Variants in PHKB observed in about 807,000 individuals in gnomAD.
PHKB encodes the protein phosphorylase b kinase regulatory subunit beta.
In PHKB, 122 loss-of-function variants were observed where a neutral mutation model predicts 152.1. The observed-to-expected ratio is 0.80, with a 90% CI of 0.69 to 0.93. The LOEUF is 0.93. Ranked by LOEUF, PHKB falls within the 40% of genes least tolerant of loss-of-function variation. The probability of loss-of-function intolerance (pLI) is 0.00; values close to 1 mark genes in which losing one functional copy is unlikely to be tolerated. For missense variants in PHKB, 1,304 were observed against 1,328.4 expected (o/e 0.98, Z 0.29); for synonymous variants, 436 against 464.9 (o/e 0.94, Z 0.80).
chr16:47,654,184 C>T (rs958991586), intron 20 of PHKB, among the ~76,000 whole-genome samples: 14 of 152,150 alleles, frequency 9.2e-5, no homozygotes, highest in South Asian at 2.1e-4. Flanking sequence ...CAGACATAGA[C>T]GTCAGAATAA....
chr16:47,517,631 A>G (rs547797562), intron 6 of PHKB, among the ~76,000 whole-genome samples: 1 of 152,082 alleles, frequency 6.6e-6, no homozygotes, highest in Non-Finnish European at 1.5e-5. Context: ...TTCATTTTGT[A>G]TTTTTATTTG....
chr16:47,499,757 C>T lies in PHKB; in HGVS notation c.168C>T (p.Val56=). Residue 56 remains valine (V), a splice_region_variant and synonymous_variant, in exon 3 of 31, where the codon GTC becomes GTT. Coordinates refer to ENST00000323584, the MANE Select transcript of PHKB (RefSeq NM_000293.3). ...WDKLDHYYRI[V]KSTLLLYQSP... ...TCTTTGTCTTGTCCTCAATTGCAGT[C>T]AAGTCAACATTGCTGCTGTATCAAA... The T allele has an allele frequency of 6.2e-7, 1 of 1,614,106 alleles. No homozygotes were observed. The highest frequency in any genetic ancestry group is 8.5e-7 in the Non-Finnish European group (1 of 1,179,958).
rs1969929083 is a variant in PHKB at position 47,479,524 on chromosome 16, T to C, written c.77-17875T>C. On this transcript the variant is annotated intron_variant, in intron 1 of 30. Transcript: ENST00000323584. ...AGCCTTGGATCTAATTAAATTCAGATCCAGTTAAGCGGGTTTGGGATAGGG... is the reference window on the plus strand; with the variant it reads ...AGCCTTGGATCTAATTAAATTCAGACCCAGTTAAGCGGGTTTGGGATAGGG... Among the ~76,000 whole-genome samples the C allele has an allele frequency of 3.3e-5, 5 of 151,706 alleles. No individual in the cohort carries two copies. The South Asian group carries it at 1.0e-3, about 32-fold the overall frequency.
chr16:47,588,157 T>C (rs1567316808), intron 9 of PHKB, among the ~76,000 whole-genome samples: 1 of 152,142 alleles, frequency 6.6e-6, no homozygotes, highest in African/African-American at 2.4e-5. Flanking sequence ...TTTTTCCCCT[T>C]GCCTGATCAA....
At chr16:47,535,443 A>T (rs183104606) in intron 6 of PHKB, among the ~76,000 whole-genome samples, 4 of 152,328 alleles carry the variant, frequency 2.6e-5, no homozygotes, top group Admixed American at 2.6e-4. Context: ...TTTCTTGTTA[A>T]CAAATTATAT....
intron 20 of PHKB, among the ~76,000 whole-genome samples, chr16:47,658,134 A>AT (rs1973371240): frequency 3.9e-5 from 6 of 152,104 alleles, no homozygotes; most frequent in Admixed American, 1.3e-4. Context: ...CTCTGATTTC[A>AT]TCTCCTACCA....
At chr16:47,586,925 T>G (rs1038560360) in intron 8 of PHKB, among the ~76,000 whole-genome samples, 1 of 152,068 alleles carries the variant, frequency 6.6e-6, no homozygotes, top group African/African-American at 2.4e-5. Context: ...GAAATATATA[T>G]ATGTGTGTGT....
In PHKB at chr16:47,503,097, C is replaced by T; in HGVS notation, c.405+7C>T. The stretch of plus-strand genomic sequence containing the variant: ...TATGCGTCAGGCCGATAAGGTAAAA[C>T]ATTGTGGTGTGGACGGGAATTCTCC... On this transcript the variant is annotated splice_region_variant and intron_variant, in intron 4 of 30. Coordinates refer to ENST00000323584, the MANE Select transcript of PHKB (RefSeq NM_000293.3). The T allele has an allele frequency of 1.3e-6, 2 of 1,540,508 alleles. No individual in the cohort carries two copies. Among genetic ancestry groups the T allele is most frequent in the East Asian group, 2.2e-5 (1 of 44,478 alleles).
At chr16:47,629,376 C>T (rs1466601677) in intron 14 of PHKB, among the ~76,000 whole-genome samples, 1 of 151,998 alleles carries the variant, frequency 6.6e-6, no homozygotes, top group Non-Finnish European at 1.5e-5. Flanking sequence ...CATGAACAGA[C>T]ACTTCTCAAA....
At chr16:47,585,887 G>A (rs976951666) in intron 8 of PHKB, among the ~76,000 whole-genome samples, 3 of 152,066 alleles carry the variant, frequency 2.0e-5, no homozygotes, top group African/African-American at 7.2e-5. Flanking sequence ...TACTTAGATT[G>A]TATCTTTTGA....
At chr16:47,697,973 T>G (rs1318358590) in intron 29 of PHKB, among the ~76,000 whole-genome samples, 1 of 152,138 alleles carries the variant, frequency 6.6e-6, no homozygotes, top group East Asian at 1.9e-4. Context: ...CTTATACTCA[T>G]TTGGGTCCTG....
chr16:47,466,299 A>G (rs765710166), intron 1 of PHKB, among the ~76,000 whole-genome samples: 1 of 152,232 alleles, frequency 6.6e-6, no homozygotes, highest in Non-Finnish European at 1.5e-5. Context: ...GCCAAAATAA[A>G]TAATTATTAG....
At chr16:47,624,897 T>C (rs1972682140) in intron 14 of PHKB, among the ~76,000 whole-genome samples, 2 of 152,238 alleles carry the variant, frequency 1.3e-5, no homozygotes, top group South Asian at 2.1e-4. Flanking sequence ...CCTAATTTGA[T>C]AACTCCAATG....
intron 6 of PHKB, among the ~76,000 whole-genome samples, chr16:47,526,863 T>C (rs1205123702): frequency 2.0e-5 from 3 of 152,148 alleles, no homozygotes; most frequent in Admixed American, 6.5e-5. Context: ...TTTAATTGGC[T>C]CACAGGTCTG....
intron 28 of PHKB, among the ~76,000 whole-genome samples, 198 bp downstream of exon 28, chr16:47,693,705 T>C (rs943350837): frequency 6.6e-6 from 1 of 152,210 alleles, no homozygotes; most frequent in Non-Finnish European, 1.5e-5. Context: ...ACTTTTATTT[T>C]TCAAATTTAG....
chr16:47,596,054 G>T (rs1433495625), intron 12 of PHKB, among the ~76,000 whole-genome samples: 1 of 152,136 alleles, frequency 6.6e-6, no homozygotes, highest in African/African-American at 2.4e-5. Flanking sequence ...ATGTGTCAAG[G>T]GTGGGGCCAG....
intron 1 of PHKB, among the ~76,000 whole-genome samples, chr16:47,482,563 A>G (rs991372912): frequency 2.6e-5 from 4 of 152,230 alleles, no homozygotes; most frequent in Non-Finnish European, 5.9e-5. Flanking sequence ...AACAGGCTTC[A>G]TCAAAGTGTA....
intron 17 of PHKB, among the ~76,000 whole-genome samples, 183 bp from the exon 18 acceptor site, chr16:47,648,917 G>A (rs1253146046): frequency 2.0e-5 from 3 of 151,946 alleles, no homozygotes; most frequent in African/African-American, 4.8e-5. Context: ...TAAGTTTATT[G>A]GTATACTGAT....
chr16:47,522,664 A>G (rs1970704716), intron 6 of PHKB, among the ~76,000 whole-genome samples: 1 of 151,726 alleles, frequency 6.6e-6, no homozygotes, highest in Non-Finnish European at 1.5e-5. Flanking sequence ...TTCTTTTTAA[A>G]ATACAGGCAT....
Sources: gnomAD v4.1 joint callset for allele counts (sites outside exome capture counted in the v4.1 genomes callset) on GRCh38, gnomAD v4.1.1 for gene constraint, MANE v1.5 for transcripts, NCBI Gene and HGNC (gene_info 2026-07-23, HGNC 2026-07-21) for gene names.